The following LRCH3 variants were observed in gnomAD, a reference collection of about 807,000 sequenced individuals.
LRCH3 encodes the protein DISP complex protein LRCH3.
A neutral mutation model predicts 104.5 loss-of-function variants in LRCH3; 68 were observed. The observed-to-expected ratio is 0.65, with a 90% CI of 0.54 to 0.80. The LOEUF (loss-of-function observed/expected upper bound fraction) is 0.80, where lower values mean the gene tolerates loss of function less well. Ranked by LOEUF, LRCH3 falls within the 30% of genes least tolerant of loss-of-function variation. The pLI is 0.00. For synonymous variants in LRCH3, 344 were observed against 361.3 expected, an observed-to-expected ratio of 0.95 and a Z score of 0.54; for missense variants, 951 against 953.9, an observed-to-expected ratio of 1.00 and a Z score of 0.04.
chr3:197,817,670 ATTTG>A (rs1184396811), intron 3 of LRCH3, among the ~76,000 whole-genome samples: 3 of 151,900 alleles, frequency 2.0e-5, no homozygotes, highest in Non-Finnish European at 4.4e-5. Flanking sequence ...TTCAAAATAA[ATTTG>A]TTTGTATCAT....
At chr3:197,846,555 A>C (rs558601210) in intron 10 of LRCH3, among the ~76,000 whole-genome samples, 18 of 151,496 alleles carry the variant, frequency 1.2e-4, no homozygotes, top group Admixed American at 2.6e-4. Flanking sequence ...AAAAAAAAAA[A>C]AACAAAAAAA....
intron 1 of LRCH3, among the ~76,000 whole-genome samples, chr3:197,805,172 C>T (rs530925487): frequency 3.3e-5 from 5 of 152,250 alleles, no homozygotes; most frequent in East Asian, 1.9e-4. Context: ...GGATTACAGG[C>T]GTGAGCCACC....
At chr3:197,879,985 A>G (rs9682957) in intron 20 of LRCH3, among the ~76,000 whole-genome samples, 44,973 of 145,624 alleles carry the variant, frequency 0.31, 10,117 homozygotes, top group African/African-American at 0.65. Context: ...TCGCTCTGTC[A>G]CCCAGGCTGG....
intron 1 of LRCH3, among the ~76,000 whole-genome samples, chr3:197,812,990 G>A (rs973203873): frequency 1.3e-5 from 2 of 152,130 alleles, no homozygotes; most frequent in Non-Finnish European, 2.9e-5. Flanking sequence ...CCAGCAAAGC[G>A]CAAAGGTTCC....
intron 12 of LRCH3, chr3:197,850,337 A>C: frequency 6.3e-5 from 48 of 757,420 alleles, no homozygotes; most frequent in Non-Finnish European, 8.4e-5. Flanking sequence ...AACTCTCTTT[A>C]GGTACCATTT....
intron 10 of LRCH3, among the ~76,000 whole-genome samples, chr3:197,844,250 T>G (rs1738262384): frequency 6.6e-6 from 1 of 152,100 alleles, no homozygotes; most frequent in Non-Finnish European, 1.5e-5. Context: ...GACATCCAAG[T>G]GGAATTATCA....
rs543374839 is a variant in LRCH3, at chr3:197,828,914, G to C, written c.778-650G>C. Among the ~76,000 whole-genome samples, 22 of 151,178 alleles carry C rather than the reference G, an allele frequency of 1.5e-4. No individual in the cohort carries two copies. In the South Asian group the frequency reaches 4.6e-3, roughly 32 times the overall value. ...AGTACAGACGGGATTTCACCGTGTT[G>C]GTCAGGCTGGTCTTGAACTCCTGAC... On this transcript the variant is annotated intron_variant, in intron 5 of 20. Coordinates refer to ENST00000425562, the MANE Select transcript of LRCH3 (RefSeq NM_001365715.1).
intron 4 of LRCH3, among the ~76,000 whole-genome samples, chr3:197,822,117 C>T (rs549075555): frequency 9.2e-5 from 14 of 152,180 alleles, no homozygotes; most frequent in Non-Finnish European, 1.8e-4. Context: ...TGTGTAAGAA[C>T]GTGACCTTTT....
Position 197,825,576 on chromosome 3 carries a change from T to C in LRCH3, c.641-1302T>C, listed in dbSNP as rs1342583767. Among the ~76,000 whole-genome samples the C allele has an allele frequency of 3.5e-5, 5 of 144,770 alleles. No individual in the cohort carries two copies. The East Asian group carries it at 8.3e-4, about 24-fold the overall frequency. The allele number at this position is 144,770 out of a possible 152,430, so 95.0% of individuals were successfully genotyped here. A position where few individuals can be genotyped will look rare whatever the true frequency, so the allele number is the denominator to read the frequency against. Reference sequence around the variant, plus strand: ...CTCACTGCAAGCTCCGCCTCCCGGGTTCACGCCATTCTCCTGTCTCAGCCT... The same window carrying C: ...CTCACTGCAAGCTCCGCCTCCCGGGCTCACGCCATTCTCCTGTCTCAGCCT... On this transcript the variant is annotated intron_variant, in intron 4 of 20. Transcript: ENST00000425562.
At chr3:197,829,794 C>T in intron 6 of LRCH3, 121 bp downstream of exon 6, 3 of 668,630 alleles carry the variant, frequency 4.5e-6, no homozygotes, top group South Asian at 2.0e-5. Context: ...CACTGTTATT[C>T]TCAGAATGCT....
Position 197,828,703 on chromosome 3 carries a change from CTTTTTT to C in LRCH3, c.778-845_778-840del, listed in dbSNP as rs752665561. Among the ~76,000 whole-genome samples, 13 of 112,836 alleles carry C rather than the reference CTTTTTT, an allele frequency of 1.2e-4. No individual in the cohort carries two copies. In the South Asian group the frequency reaches 1.4e-3, roughly 12 times the overall value. 74.0% of individuals were successfully genotyped at this position (112,836 alleles called of 152,430 possible). A position where few individuals can be genotyped will look rare whatever the true frequency, so the allele number is the denominator to read the frequency against. On this transcript the variant is annotated intron_variant, in intron 5 of 20. Transcript: ENST00000425562. ...CGATTTTGTACAAGCATATGTTACT[CTTTTTT>C]TTTTTTTTTTTTTTTGAGATGAAGT...
chr3:197,835,533 A>G, intron 8 of LRCH3, 141 bp from the exon 9 acceptor site: 4 of 1,247,180 alleles, frequency 3.2e-6, no homozygotes, highest in Non-Finnish European at 4.2e-6. Flanking sequence ...TAAGTAATTT[A>G]AAGTTTTTAT....
At chr3:197,861,119 C>T (rs1030952750) in intron 15 of LRCH3, among the ~76,000 whole-genome samples, 1 of 151,956 alleles carries the variant, frequency 6.6e-6, no homozygotes, top group African/African-American at 2.4e-5. Flanking sequence ...ATTACAGGTG[C>T]CCACCACCAA....
intron 9 of LRCH3, 58 bp downstream of exon 9, chr3:197,835,880 A>G (rs973523824): frequency 5.7e-6 from 9 of 1,574,358 alleles, no homozygotes; most frequent in Admixed American, 3.5e-5. Flanking sequence ...ATAATTCATA[A>G]TAGTATAAAG....
chr3:197,838,081 G>A (rs989446568), intron 9 of LRCH3, among the ~76,000 whole-genome samples: 1 of 151,784 alleles, frequency 6.6e-6, no homozygotes, highest in Non-Finnish European at 1.5e-5. Flanking sequence ...AACTAGGGTG[G>A]TAAGCCACTG....
rs762169755 is a variant in LRCH3 at position 197,866,166 on chromosome 3, A to G, written c.1820A>G (p.Gln607Arg). Residue 607 changes from glutamine to arginine, a missense_variant, in exon 17 of 21, where the codon CAG (glutamine) becomes CGG (arginine). Physicochemically the swap from Gln to Arg is conservative, Grantham distance 43. Coordinates refer to ENST00000425562, the MANE Select transcript of LRCH3 (RefSeq NM_001365715.1). The stretch of plus-strand genomic sequence containing the variant: ...GCTGCTATCCAGAGAAATCAGCCTC[A>G]GCGCCCTGAAAGCTTCCTTTTCCGA... ...FPAAIQRNQPQRPESFLFRAG... is the reference protein window; with the variant it reads ...FPAAIQRNQPRRPESFLFRAG... 1 of 1,614,186 alleles carries G rather than the reference A, an allele frequency of 6.2e-7. No individual in the cohort carries two copies. The highest frequency in any genetic ancestry group is 1.1e-5 in the South Asian group (1 of 91,084).
intron 1 of LRCH3, among the ~76,000 whole-genome samples, chr3:197,800,507 A>G (rs890816883): frequency 6.6e-6 from 1 of 152,212 alleles, no homozygotes; most frequent in Non-Finnish European, 1.5e-5. Flanking sequence ...TGATGATTCC[A>G]AGTACTGGAA....
At chr3:197,807,464 G>A (rs996570564) in intron 1 of LRCH3, among the ~76,000 whole-genome samples, 3 of 151,776 alleles carry the variant, frequency 2.0e-5, no homozygotes, top group East Asian at 1.9e-4. Context: ...CCTGTGATCC[G>A]CCCGCCTTGG....
At chr3:197,863,349 G>A (rs1459521829) in intron 15 of LRCH3, among the ~76,000 whole-genome samples, 5 of 151,990 alleles carry the variant, frequency 3.3e-5, no homozygotes, top group African/African-American at 7.3e-5. Context: ...TGCAACCTCC[G>A]CCTCCATGTT....
Sources: allele counts gnomAD v4.1 joint callset (sites outside exome capture counted in the v4.1 genomes callset), GRCh38; gene constraint gnomAD v4.1.1; transcripts MANE v1.5; gene names NCBI Gene and HGNC (gene_info 2026-07-23, HGNC 2026-07-21).